TMEM117: variants seen among roughly 807,000 people sequenced by gnomAD.
TMEM117 encodes transmembrane protein 117.
TMEM117 carries 27 observed loss-of-function variants against 52.4 expected under a neutral mutation model. The ratio of observed to expected loss-of-function variants is 0.51; its 90% confidence interval spans 0.38 to 0.71. TMEM117 has a LOEUF of 0.71. Among genes scored for constraint, TMEM117 ranks in the 30% least tolerant of loss-of-function variants. The pLI, the probability that TMEM117 is intolerant of heterozygous loss-of-function variation, is 0.00. For missense variants in TMEM117, 556 were observed against 630.5 expected, an observed-to-expected ratio of 0.88 and a Z score of 1.26; for synonymous variants, 215 against 206.3, an observed-to-expected ratio of 1.04 and a Z score of -0.36.
At chr12:43,948,495 C>T (rs149939368) in intron 3 of TMEM117, among the ~76,000 whole-genome samples, 6,465 of 151,916 alleles carry the variant, frequency 0.043, 157 homozygotes, top group Non-Finnish European at 0.052. Flanking sequence ...TTAATAGAGA[C>T]GGGGTTTCAC....
chr12:44,337,769 A>G (rs1951360790), intron 6 of TMEM117, among the ~76,000 whole-genome samples: 1 of 152,118 alleles, frequency 6.6e-6, no homozygotes, highest in Admixed American at 6.6e-5. Context: ...TAAAATGCAT[A>G]TCATAGTCAG....
intron 6 of TMEM117, among the ~76,000 whole-genome samples, chr12:44,338,542 A>T (rs1313682683): frequency 2.0e-5 from 3 of 152,028 alleles, no homozygotes; most frequent in South Asian, 2.1e-4. Context: ...AAAACATTTT[A>T]AAAATAGTGC....
intron 4 of TMEM117, among the ~76,000 whole-genome samples, chr12:44,165,775 T>G (rs1161450945): frequency 6.6e-6 from 1 of 152,172 alleles, no homozygotes; most frequent in East Asian, 1.9e-4. Flanking sequence ...ACAATAACAG[T>G]TGGGGACTTT....
At chr12:44,327,296 T>C (rs1263978046) in intron 6 of TMEM117, among the ~76,000 whole-genome samples, 1 of 152,236 alleles carries the variant, frequency 6.6e-6, no homozygotes, top group Non-Finnish European at 1.5e-5. Context: ...GGTATAAAAC[T>C]ATCTTTGGTA....
intron 5 of TMEM117, among the ~76,000 whole-genome samples, chr12:44,213,605 G>A (rs145966288): frequency 0.026 from 3,890 of 152,286 alleles, 67 homozygotes; most frequent in Middle Eastern, 0.037. Context: ...CCCACTTGTC[G>A]TGGGAGGGAC....
At chr12:44,048,808 TACAA>T (rs1487033782) in intron 3 of TMEM117, among the ~76,000 whole-genome samples, 1 of 152,106 alleles carries the variant, frequency 6.6e-6, no homozygotes, top group Non-Finnish European at 1.5e-5. Flanking sequence ...ACAAGAGAAA[TACAA>T]ACACGTACTG....
intron 7 of TMEM117, among the ~76,000 whole-genome samples, chr12:44,382,728 G>A (rs896047497): frequency 1.3e-5 from 2 of 152,186 alleles, no homozygotes; most frequent in African/African-American, 4.8e-5. Context: ...TGACAAGAGA[G>A]GCACTTTGAG....
Position 43,928,232 on chromosome 12 carries a change from G to A in TMEM117, c.278-15978G>A, listed in dbSNP as rs946917699. The stretch of plus-strand genomic sequence containing the variant: ...CTCTTCTTACTTCCATGCGATTGCT[G>A]TTCAGGGTTCTAGTTCTTTTTTTGG... On this transcript the variant is annotated intron_variant, in intron 2 of 7. Coordinates refer to ENST00000266534, the MANE Select transcript of TMEM117 (RefSeq NM_032256.3). 2.6e-5 allele frequency among the ~76,000 whole-genome samples: 4 copies of A among 152,044 alleles called. No individual in the cohort carries two copies. The South Asian group carries it at 8.3e-4, about 32-fold the overall frequency.
At chr12:44,101,239 T>C (rs1027692217) in intron 3 of TMEM117, among the ~76,000 whole-genome samples, 5 of 151,820 alleles carry the variant, frequency 3.3e-5, no homozygotes, top group African/African-American at 4.8e-5. Context: ...TTAATACATA[T>C]GTTCAACATA....
chr12:44,125,951 G>C (rs1419958768), intron 3 of TMEM117, among the ~76,000 whole-genome samples: 4 of 152,004 alleles, frequency 2.6e-5, no homozygotes, highest in African/African-American at 9.7e-5. Flanking sequence ...TTCTTGATTT[G>C]TAGCTTAATT....
intron 3 of TMEM117, among the ~76,000 whole-genome samples, chr12:43,969,284 A>C (rs1031618418): frequency 1.4e-5 from 2 of 147,252 alleles, no homozygotes; most frequent in Non-Finnish European, 3.0e-5. Context: ...ACTTCGGGAG[A>C]CTGAGGTGGG....
chr12:44,165,836 A>T (rs1380142457), intron 4 of TMEM117, among the ~76,000 whole-genome samples: 1 of 152,204 alleles, frequency 6.6e-6, no homozygotes, highest in Non-Finnish European at 1.5e-5. Flanking sequence ...AAATCAACAA[A>T]GAAACATTGG....
the TMEM117 span, among the ~76,000 whole-genome samples, chr12:43,828,793 C>T: frequency 6.6e-6 from 1 of 152,152 alleles, no homozygotes; most frequent in Non-Finnish European, 1.5e-5. Context: ...TGAGTCCCTG[C>T]TCTTGTGAAT....
At position 44,271,687 on chromosome 12, in the gene TMEM117, G is replaced by A. The variant is rs1592655125; in HGVS notation, c.609-27893G>A. Among the ~76,000 whole-genome samples, 3 of 151,848 alleles carry A rather than the reference G, an allele frequency of 2.0e-5. No individual in the cohort carries two copies. In the East Asian group the frequency reaches 5.8e-4, roughly 29 times the overall value. On this transcript the variant is annotated intron_variant, in intron 5 of 7. Transcript: ENST00000266534. ...TAGGGAAATGTTCCATTATATTCTG[G>A]GATAATACTCAAGATGATCAAAACA...
chr12:44,277,986 A>C (rs1415025427), intron 5 of TMEM117, among the ~76,000 whole-genome samples: 1 of 151,120 alleles, frequency 6.6e-6, no homozygotes, highest in Non-Finnish European at 1.5e-5. Context: ...CTGGTCTCGA[A>C]CTCCTGACCT....
chr12:44,162,261 G>A (rs1948908102), intron 4 of TMEM117, among the ~76,000 whole-genome samples: 1 of 152,134 alleles, frequency 6.6e-6, no homozygotes, highest in East Asian at 1.9e-4. Context: ...AGTTGACATA[G>A]TGTCCCTTCT....
intron 3 of TMEM117, among the ~76,000 whole-genome samples, chr12:44,072,732 G>A (rs979345164): frequency 6.6e-6 from 1 of 152,200 alleles, no homozygotes; most frequent in Non-Finnish European, 1.5e-5. Flanking sequence ...AGTGGCTGCT[G>A]TTTGTTAGAT....
intron 7 of TMEM117, among the ~76,000 whole-genome samples, chr12:44,378,935 G>C (rs918172588): frequency 6.6e-6 from 1 of 152,132 alleles, no homozygotes; most frequent in Non-Finnish European, 1.5e-5. Flanking sequence ...ACAATTGGGT[G>C]TCTGGACTTG....
chr12:44,157,353 G>A (rs980858070), intron 4 of TMEM117, among the ~76,000 whole-genome samples: 5 of 147,126 alleles, frequency 3.4e-5, no homozygotes, highest in East Asian at 2.0e-4. Context: ...AAAGCATGTG[G>A]AATTATGACT....
Sources: allele counts gnomAD v4.1 joint callset (sites outside exome capture counted in the v4.1 genomes callset), GRCh38; gene constraint gnomAD v4.1.1; transcripts MANE v1.5; gene names NCBI Gene and HGNC (gene_info 2026-07-23, HGNC 2026-07-21).